Variants in PDE1A observed in about 807,000 individuals in gnomAD.
PDE1A encodes phosphodiesterase 1A.
In PDE1A, 35 loss-of-function variants were observed where a neutral mutation model predicts 61.7. The ratio of observed to expected loss-of-function variants is 0.57; its 90% CI spans 0.43 to 0.75. PDE1A has a LOEUF of 0.75. PDE1A is among the 30% of genes least tolerant of loss of function. The probability of loss-of-function intolerance (pLI) is 0.00; values close to 1 mark genes in which losing one functional copy is unlikely to be tolerated. For synonymous variants in PDE1A, 232 were observed against 213.2 expected (o/e 1.09, Z -0.77); for missense variants, 597 against 630.6 (o/e 0.95, Z 0.57).
At chr2:182,326,022 T>TA (rs1167154472) in intron 1 of PDE1A, among the ~76,000 whole-genome samples, 1 of 152,062 alleles carries the variant, frequency 6.6e-6, no homozygotes, top group Non-Finnish European at 1.5e-5. Context: ...CAAATGAACA[T>TA]ATGAGAAGAC....
chr2:182,463,049 TGG>T (rs1686411137), intron 2 of PDE1A, among the ~76,000 whole-genome samples: 1 of 152,008 alleles, frequency 6.6e-6, no homozygotes. Context: ...GAGACCAGCC[TGG>T]CCAACGGGGA....
At chr2:182,277,789 TGA>T (rs1368883862) in intron 1 of PDE1A, among the ~76,000 whole-genome samples, 6 of 152,068 alleles carry the variant, frequency 3.9e-5, no homozygotes, top group Non-Finnish European at 5.9e-5. Context: ...TGAGATGCAC[TGA>T]GTTTCAGCAG....
intron 3 of PDE1A, among the ~76,000 whole-genome samples, chr2:182,237,343 A>G (rs1275940537): frequency 1.3e-5 from 2 of 152,034 alleles, no homozygotes; most frequent in Non-Finnish European, 1.5e-5. Context: ...AATACAAAAA[A>G]CAATTAGCCG....
intron 1 of PDE1A, among the ~76,000 whole-genome samples, chr2:182,356,524 C>T (rs116389707): frequency 0.048 from 7,251 of 151,984 alleles, 212 homozygotes; most frequent in Admixed American, 0.081. Flanking sequence ...CCGAAGCAGG[C>T]GGATCACTGG....
chr2:182,467,261 A>C (rs1686734803), intron 2 of PDE1A, among the ~76,000 whole-genome samples: 1 of 151,878 alleles, frequency 6.6e-6, no homozygotes, highest in Non-Finnish European at 1.5e-5. Flanking sequence ...GAAAATAAGG[A>C]AATTGCAGGA....
the PDE1A span, among the ~76,000 whole-genome samples, chr2:182,677,379 C>A: frequency 6.6e-6 from 1 of 152,156 alleles, no homozygotes; most frequent in Non-Finnish European, 1.5e-5. Flanking sequence ...ATCAGAATTA[C>A]AAACCACTGC....
the PDE1A span, among the ~76,000 whole-genome samples, chr2:182,693,016 C>T: frequency 6.6e-6 from 1 of 151,956 alleles, no homozygotes; most frequent in Non-Finnish European, 1.5e-5. Context: ...CTTGAGCCCA[C>T]GAGTTTGAGG....
At chr2:182,561,880 T>C in the PDE1A span, among the ~76,000 whole-genome samples, 1 of 152,154 alleles carries the variant, frequency 6.6e-6, no homozygotes, top group Non-Finnish European at 1.5e-5. Flanking sequence ...TGTATAAGAA[T>C]GCTTGTGATT....
intron 13 of PDE1A, among the ~76,000 whole-genome samples, chr2:182,181,414 A>G (rs1351027430): frequency 1.3e-5 from 2 of 152,188 alleles, no homozygotes; most frequent in African/African-American, 2.4e-5. Context: ...GGTTTCACCA[A>G]TGGAGTTTGC....
At chr2:182,336,038 T>C (rs185496464) in intron 1 of PDE1A, among the ~76,000 whole-genome samples, 11 of 152,252 alleles carry the variant, frequency 7.2e-5, no homozygotes, top group African/African-American at 2.6e-4. Context: ...CACTGGTCAT[T>C]AGAGAAATGC....
chr2:182,274,893 T>C (rs756352359), intron 1 of PDE1A, among the ~76,000 whole-genome samples: 6 of 152,132 alleles, frequency 3.9e-5, no homozygotes, highest in Non-Finnish European at 7.4e-5. Flanking sequence ...ATATTGACAT[T>C]GACAGAAGTA....
intron 1 of PDE1A, among the ~76,000 whole-genome samples, chr2:182,277,000 T>C (rs1276969949): frequency 6.6e-6 from 1 of 152,066 alleles, no homozygotes. Flanking sequence ...TTTTCTGTTG[T>C]TTAAGAAGTT....
the PDE1A span, among the ~76,000 whole-genome samples, chr2:182,614,553 CTTTTT>C: frequency 8.9e-6 from 1 of 112,614 alleles, no homozygotes. Flanking sequence ...ACTAGCATAT[CTTTTT>C]TTTTTTTTTT....
chr2:182,323,806 T>A (rs970498560), intron 1 of PDE1A, among the ~76,000 whole-genome samples: 4 of 152,192 alleles, frequency 2.6e-5, no homozygotes, highest in Middle Eastern at 3.2e-3. Context: ...TGTGAGACTG[T>A]ACCAGCTTCC....
intron 1 of PDE1A, among the ~76,000 whole-genome samples, chr2:182,410,724 G>A (rs2125517295): frequency 1.3e-5 from 2 of 152,232 alleles, no homozygotes; most frequent in South Asian, 2.1e-4. Flanking sequence ...AAACATAAAG[G>A]ACTGAAAAAT....
chr2:182,238,266 C>CAAAAAA lies in PDE1A; in HGVS notation c.350+1838_350+1843dup, dbSNP rs3063250. Reference sequence around the variant, plus strand: ...CCTGGGTGACAGAGCCAGACTACGTCAAAAAAAAAAAAAAAAGAAAAAGAA... The same window carrying CAAAAAA: ...CCTGGGTGACAGAGCCAGACTACGTCAAAAAAAAAAAAAAAAAAAAAAGAAAAAGAA... On this transcript the variant is annotated intron_variant, in intron 3 of 13. Transcript: ENST00000351439. Among the ~76,000 whole-genome samples the CAAAAAA allele has an allele frequency of 3.2e-4, 31 of 98,046 alleles. 1 individual carries two copies. Among genetic ancestry groups the CAAAAAA allele is most frequent in the African/African-American group, 6.6e-4 (15 of 22,678 alleles). The allele number at this position is 98,046 out of a possible 152,430, so 64.3% of individuals were successfully genotyped here.
intron 1 of PDE1A, among the ~76,000 whole-genome samples, chr2:182,286,438 C>A (rs1049971708): frequency 6.6e-6 from 1 of 152,090 alleles, no homozygotes; most frequent in Admixed American, 6.6e-5. Context: ...TGCATCAATA[C>A]CTATTTTAGT....
In PDE1A at chr2:182,188,968, A is replaced by T. The variant is rs1462994584; in HGVS notation, c.1207+11T>A. The T allele has an allele frequency of 1.3e-6, 2 of 1,583,630 alleles. No homozygotes were observed. The highest frequency in any genetic ancestry group is 1.7e-6 in the Non-Finnish European group (2 of 1,153,364). ...CACTCACTTTCCACCACCACAAATC[A>T]TCAGAATTACCTATTTGTGACTGGG... On this transcript the variant is annotated intron_variant, in intron 11 of 13. Transcript: ENST00000351439.
chr2:182,174,282 A>G (rs1195193988), intron 13 of PDE1A, among the ~76,000 whole-genome samples: 1 of 152,134 alleles, frequency 6.6e-6, no homozygotes, highest in Non-Finnish European at 1.5e-5. Context: ...GCCTGAAGCC[A>G]TTCAGCCTTA....
Sources: gnomAD v4.1 joint callset for allele counts (sites outside exome capture counted in the v4.1 genomes callset) on GRCh38, gnomAD v4.1.1 for gene constraint, MANE v1.5 for transcripts, NCBI Gene and HGNC (gene_info 2026-07-23, HGNC 2026-07-21) for gene names.